CLVS1: variants seen among roughly 807,000 people sequenced by gnomAD.
The protein encoded by CLVS1 is clavesin 1, also known as clavesin-1.
A neutral mutation model predicts 33.1 loss-of-function variants in CLVS1; 10 were observed. The observed-to-expected ratio is 0.30, with a 90% confidence interval of 0.19 to 0.51. The LOEUF (loss-of-function observed/expected upper bound fraction) is 0.51, where lower values mean the gene tolerates loss of function less well. Ranked by LOEUF, CLVS1 falls within the 20% of genes least tolerant of loss-of-function variation. The pLI is 0.97. For missense variants in CLVS1, 343 were observed against 433.4 expected (o/e 0.79, Z 1.85); for synonymous variants, 163 against 166.1 (o/e 0.98, Z 0.14).
chr8:61,323,825 T>TA (rs1811282601), intron 2 of CLVS1, among the ~76,000 whole-genome samples: 1 of 152,114 alleles, frequency 6.6e-6, no homozygotes, highest in South Asian at 2.1e-4. Flanking sequence ...CACTCTCCAA[T>TA]AGTCCCTAGT....
At chr8:61,309,943 T>C (rs1165851268) in intron 2 of CLVS1, among the ~76,000 whole-genome samples, 1 of 152,108 alleles carries the variant, frequency 6.6e-6, no homozygotes, top group African/African-American at 2.4e-5. Flanking sequence ...TAGCGGGAGG[T>C]CTGTGCCTCA....
At chr8:60,966,510 C>T in the CLVS1 span, 1 of 392,708 alleles carries the variant, frequency 2.5e-6, no homozygotes, top group Non-Finnish European at 5.1e-6. Context: ...ATGCCATGAC[C>T]CAGCATCCCA....
intron 2 of CLVS1, among the ~76,000 whole-genome samples, chr8:61,355,159 T>A (rs1243593051): frequency 1.3e-5 from 2 of 152,142 alleles, no homozygotes; most frequent in Non-Finnish European, 2.9e-5. Flanking sequence ...TGCAGCAACA[T>A]CAATTGGTCA....
In CLVS1 at chr8:61,288,210, A is replaced by T. The variant is rs546448967; in HGVS notation, c.-152+72A>T. Reference sequence around the variant, plus strand: ...GCCTTTCCCCCGCTCTTTCGATGCCATGGCTGCGGCGTTTCAGCACTTCGG... The same window carrying T: ...GCCTTTCCCCCGCTCTTTCGATGCCTTGGCTGCGGCGTTTCAGCACTTCGG... On this transcript the variant is annotated intron_variant, in intron 1 of 5. Transcript: ENST00000325897. 8.3e-5 allele frequency: 38 copies of T among 456,166 alleles called. No homozygotes were observed. The East Asian group carries it at 2.2e-3, about 26-fold the overall frequency. 28.3% of individuals were successfully genotyped at this position (456,166 alleles called of 1,614,324 possible).
chr8:61,000,256 G>A, the CLVS1 span, among the ~76,000 whole-genome samples: 2 of 152,196 alleles, frequency 1.3e-5, no homozygotes, highest in Non-Finnish European at 2.9e-5. Context: ...GGCAAGTGAA[G>A]CTTCTGTAAT....
chr8:61,355,997 C>A (rs535443173), intron 2 of CLVS1, among the ~76,000 whole-genome samples: 1 of 152,216 alleles, frequency 6.6e-6, no homozygotes. Flanking sequence ...ACACTGACTT[C>A]CACAATGATT....
At chr8:61,127,360 C>T (rs1483068736) in intron 1 of CLVS1, among the ~76,000 whole-genome samples, 1 of 152,000 alleles carries the variant, frequency 6.6e-6, no homozygotes, top group East Asian at 1.9e-4. Context: ...GCTGGGATTA[C>T]AGGTGTGCGC....
chr8:61,095,783 A>G (rs1028026021), intron 1 of CLVS1, among the ~76,000 whole-genome samples: 1 of 152,226 alleles, frequency 6.6e-6, no homozygotes, highest in African/African-American at 2.4e-5. Flanking sequence ...TAATGCCTTA[A>G]GACGTTTATC....
the CLVS1 span, among the ~76,000 whole-genome samples, chr8:60,989,969 C>T: frequency 3.3e-5 from 5 of 151,286 alleles, no homozygotes; most frequent in African/African-American, 1.2e-4. Flanking sequence ...ACTAAAAATA[C>T]AAAAAATTAG....
intron 2 of CLVS1, among the ~76,000 whole-genome samples, chr8:61,177,694 GA>G (rs1365972501): frequency 6.6e-6 from 1 of 151,716 alleles, no homozygotes; most frequent in Non-Finnish European, 1.5e-5. Context: ...GAGTGAACCA[GA>G]AGAATAGGGA....
chr8:61,276,202 A>G (rs1809559257), intron 2 of CLVS1, among the ~76,000 whole-genome samples: 1 of 152,114 alleles, frequency 6.6e-6, no homozygotes, highest in East Asian at 1.9e-4. Flanking sequence ...TAATTAGAAA[A>G]CACTCTCCTG....
intron 1 of CLVS1, among the ~76,000 whole-genome samples, chr8:61,080,979 A>G (rs1438190720): frequency 6.6e-6 from 1 of 152,220 alleles, no homozygotes; most frequent in Admixed American, 6.5e-5. Flanking sequence ...ATGATAACAC[A>G]AATGTATGGA....
chr8:61,037,716 A>G, the CLVS1 span, among the ~76,000 whole-genome samples: 1 of 152,188 alleles, frequency 6.6e-6, no homozygotes, highest in Non-Finnish European at 1.5e-5. Context: ...CTACTTCAAC[A>G]AACACTCGCT....
rs183410675 is a variant in CLVS1, at chr8:61,423,785, C to T, written c.631-30356C>T. 4.6e-5 allele frequency among the ~76,000 whole-genome samples: 7 copies of T among 152,244 alleles called. No homozygotes were observed. The East Asian group carries it at 1.4e-3, about 29-fold the overall frequency. On this transcript the variant is annotated intron_variant, in intron 3 of 5. Transcript: ENST00000325897. The stretch of plus-strand genomic sequence containing the variant: ...TCTACTTATTGGCCACCAATGCACG[C>T]ACACACACCCTAGTGTCTCTCAGGT...
At chr8:61,196,695 C>T (rs145126091) in intron 2 of CLVS1, among the ~76,000 whole-genome samples, 4 of 152,186 alleles carry the variant, frequency 2.6e-5, no homozygotes, top group Non-Finnish European at 4.4e-5. Context: ...GAGGAACAAA[C>T]GTGTTTGTGG....
At chr8:61,282,623 C>A (rs1358709525) in intron 2 of CLVS1, among the ~76,000 whole-genome samples, 1 of 152,164 alleles carries the variant, frequency 6.6e-6, no homozygotes, top group African/African-American at 2.4e-5. Context: ...TACAAGTACT[C>A]CCTCATGTTA....
intron 3 of CLVS1, among the ~76,000 whole-genome samples, chr8:61,382,584 G>T (rs910460756): frequency 6.6e-6 from 1 of 152,166 alleles, no homozygotes; most frequent in Non-Finnish European, 1.5e-5. Context: ...AGTTTGAGAA[G>T]CCCTGCCCTA....
At chr8:61,163,417 A>G (rs1237802913) in intron 2 of CLVS1, among the ~76,000 whole-genome samples, 1 of 152,214 alleles carries the variant, frequency 6.6e-6, no homozygotes, top group African/African-American at 2.4e-5. Flanking sequence ...TGGGGACCCT[A>G]ATTGTCAATG....
chr8:61,316,406 G>A (rs1412553023), intron 2 of CLVS1, among the ~76,000 whole-genome samples: 4 of 152,122 alleles, frequency 2.6e-5, no homozygotes, highest in Non-Finnish European at 2.9e-5. Flanking sequence ...TTCACAACCC[G>A]AAGAAGTTTA....
Sources: allele counts gnomAD v4.1 joint callset (sites outside exome capture counted in the v4.1 genomes callset), GRCh38; gene constraint gnomAD v4.1.1; transcripts MANE v1.5; gene names NCBI Gene and HGNC (gene_info 2026-07-23, HGNC 2026-07-21).